The following CEP128 variants were observed in gnomAD, a reference collection of about 807,000 sequenced individuals.
The protein encoded by CEP128 is centrosomal protein 128kDa.
A neutral mutation model predicts 156.7 loss-of-function variants in CEP128; 132 were observed. The observed-to-expected ratio is 0.84, with a 90% CI of 0.73 to 0.97. The LOEUF is 0.97. Among genes scored for constraint, CEP128 ranks in the 50% least tolerant of loss-of-function variants. CEP128 has a pLI of 0.00. For synonymous variants in CEP128, 469 were observed against 448.9 expected (o/e 1.04, Z -0.57); for missense variants, 1,252 against 1,281.9 (o/e 0.98, Z 0.36).
chr14:80,911,614 G>A (rs1045024502), intron 4 of CEP128, among the ~76,000 whole-genome samples: 1 of 152,070 alleles, frequency 6.6e-6, no homozygotes, highest in Non-Finnish European at 1.5e-5. Flanking sequence ...TTCTGCCCCC[G>A]CTCTTTTCTG....
At chr14:80,617,375 C>T (rs1244118296) in intron 19 of CEP128, among the ~76,000 whole-genome samples, 1 of 151,674 alleles carries the variant, frequency 6.6e-6, no homozygotes, top group East Asian at 1.9e-4. Flanking sequence ...GGACTACAGG[C>T]GCAAGACGCC....
chr14:80,875,967 A>G (rs1888260887), intron 8 of CEP128, among the ~76,000 whole-genome samples: 1 of 152,172 alleles, frequency 6.6e-6, no homozygotes, highest in South Asian at 2.1e-4. Context: ...ATAAAAGTGA[A>G]AAGCGGGGTT....
At chr14:80,781,544 C>T (rs1901118880) in intron 15 of CEP128, among the ~76,000 whole-genome samples, 1 of 149,366 alleles carries the variant, frequency 6.7e-6, no homozygotes, top group Admixed American at 6.7e-5. Context: ...GACTTTATTA[C>T]AGAGACAGTA....
intron 12 of CEP128, among the ~76,000 whole-genome samples, chr14:80,835,066 G>A (rs1886006022): frequency 6.6e-6 from 1 of 152,038 alleles, no homozygotes; most frequent in African/African-American, 2.4e-5. Context: ...GGTTCTCAAG[G>A]GAACTGATTA....
chr14:80,784,497 G>A (rs984804877), intron 15 of CEP128, among the ~76,000 whole-genome samples: 1 of 152,154 alleles, frequency 6.6e-6, no homozygotes, highest in African/African-American at 2.4e-5. Context: ...CAGCCCATAA[G>A]CTGATCCACT....
intron 12 of CEP128, among the ~76,000 whole-genome samples, chr14:80,833,644 T>C (rs1885927968): frequency 6.6e-6 from 1 of 152,106 alleles, no homozygotes; most frequent in South Asian, 2.1e-4. Flanking sequence ...TCTTGGGTCC[T>C]TTTTATAATC....
chr14:80,697,667 T>C (rs1896934190), intron 19 of CEP128, among the ~76,000 whole-genome samples: 3 of 152,044 alleles, frequency 2.0e-5, no homozygotes, highest in African/African-American at 7.2e-5. Flanking sequence ...AAATAGAAGA[T>C]GTTACACTGT....
intron 19 of CEP128, among the ~76,000 whole-genome samples, chr14:80,617,661 G>C (rs545072843): frequency 1.3e-5 from 2 of 152,272 alleles, no homozygotes; most frequent in Non-Finnish European, 2.9e-5. Context: ...GCTTGTTTTT[G>C]GCTGGGAGCA....
intron 9 of CEP128, among the ~76,000 whole-genome samples, 179 bp downstream of exon 9, chr14:80,862,578 T>A (rs1275853138): frequency 6.6e-6 from 1 of 152,204 alleles, no homozygotes; most frequent in African/African-American, 2.4e-5. Flanking sequence ...TAATGTCACA[T>A]GGACAGCAAG....
chr14:80,793,439 T>C (rs1226336696), intron 13 of CEP128, among the ~76,000 whole-genome samples: 1 of 152,210 alleles, frequency 6.6e-6, no homozygotes, highest in Non-Finnish European at 1.5e-5. Context: ...TAGTGTTTTG[T>C]CCAGCTGAAG....
chr14:80,897,298 A>T (rs1863767), intron 7 of CEP128, among the ~76,000 whole-genome samples: 1 of 152,068 alleles, frequency 6.6e-6, no homozygotes, highest in East Asian at 1.9e-4. Context: ...CCTAAATATT[A>T]TAACTCCTTG....
intron 19 of CEP128, among the ~76,000 whole-genome samples, chr14:80,660,539 T>C (rs1402616463): frequency 6.6e-6 from 1 of 152,138 alleles, no homozygotes; most frequent in Non-Finnish European, 1.5e-5. Context: ...ACATCATATT[T>C]GGGTATAGAC....
chr14:80,641,391 T>C (rs1166721385), intron 19 of CEP128, among the ~76,000 whole-genome samples: 1 of 152,232 alleles, frequency 6.6e-6, no homozygotes. Flanking sequence ...AGCGTGCCCT[T>C]TCCACTTGGC....
At chr14:80,559,211 G>A (rs952066265) in intron 21 of CEP128, 68 bp downstream of exon 21, 3 of 1,316,164 alleles carry the variant, frequency 2.3e-6, no homozygotes, top group African/African-American at 1.5e-5. Flanking sequence ...CCTTTGGTGT[G>A]CTGTGAAATC....
chr14:80,562,854 G>A (rs1438052710), intron 20 of CEP128, among the ~76,000 whole-genome samples: 2 of 151,288 alleles, frequency 1.3e-5, no homozygotes, highest in African/African-American at 4.9e-5. Flanking sequence ...TGTAGAGATG[G>A]GATCTCACTA....
rs200707420 is a variant in CEP128, at chr14:80,856,676, TGC to T, written c.762+6079_762+6080del. On this transcript the variant is annotated intron_variant, in intron 9 of 24. Transcript: ENST00000555265. ...TGGAGTGTGCCTGCGTGTGTGTGTG[TGC>T]GTGTGTGTGTGTGTCCAGCATTTAT... Among the ~76,000 whole-genome samples, 663 of 148,684 alleles carry T rather than the reference TGC, an allele frequency of 4.5e-3. 8 individuals carry two copies. The highest frequency in any genetic ancestry group is 0.016 in the African/African-American group (637 of 40,144).
chr14:80,923,579 G>A (rs937461042), intron 2 of CEP128, among the ~76,000 whole-genome samples: 1 of 152,176 alleles, frequency 6.6e-6, no homozygotes, highest in African/African-American at 2.4e-5. Flanking sequence ...ACTGACTAGT[G>A]CATGTTAAGT....
At position 80,497,249 on chromosome 14, in the gene CEP128, G is replaced by A. The variant is rs1887529973; in HGVS notation, c.*230C>T. The A allele has an allele frequency of 2.5e-6, 1 of 396,986 alleles. No individual in the cohort carries two copies. 24.6% of individuals were successfully genotyped at this position (396,986 alleles called of 1,614,324 possible). On this transcript the variant is annotated 3_prime_UTR_variant, in exon 25 of 25. Transcript: ENST00000555265. ...AAAAAATATCATTCTTTCTGTGCTA[G>A]TATAAGTTGCAAATAAATTAGCTGC...
chr14:80,786,719 G>T (rs928083846), intron 14 of CEP128, among the ~76,000 whole-genome samples: 3 of 152,162 alleles, frequency 2.0e-5, no homozygotes, highest in Non-Finnish European at 2.9e-5. Context: ...CTGTGATGAA[G>T]ATTAGTGAGA....
Sources: allele counts gnomAD v4.1 joint callset (sites outside exome capture counted in the v4.1 genomes callset), GRCh38; gene constraint gnomAD v4.1.1; transcripts MANE v1.5; gene names NCBI Gene and HGNC (gene_info 2026-07-23, HGNC 2026-07-21).